Variants in CRLS1 observed in about 807,000 individuals in gnomAD.
CRLS1 encodes the protein cardiolipin synthase 1.
Under a neutral mutation model 37.0 loss-of-function variants are expected in CRLS1, and 24 were observed. The observed-to-expected ratio is 0.65, with a 90% CI of 0.47 to 0.91. The LOEUF (loss-of-function observed/expected upper bound fraction) is 0.91. CRLS1 is among the 40% of genes least tolerant of loss of function. The probability of loss-of-function intolerance (pLI) is 0.00; values close to 1 mark genes in which losing one functional copy is unlikely to be tolerated. For synonymous variants in CRLS1, 135 were observed against 159.7 expected, an observed-to-expected ratio of 0.85 and a Z score of 1.17; for missense variants, 373 against 395.8, an observed-to-expected ratio of 0.94 and a Z score of 0.49.
chr20:6,033,634 A>G (rs1327493325), intron 5 of CRLS1, among the ~76,000 whole-genome samples: 1 of 152,094 alleles, frequency 6.6e-6, no homozygotes, highest in Non-Finnish European at 1.5e-5. Flanking sequence ...CTTTTAGTGT[A>G]GGGAAGCCTA....
chr20:6,019,592 T>C (rs1979060418), intron 3 of CRLS1, among the ~76,000 whole-genome samples: 1 of 151,626 alleles, frequency 6.6e-6, no homozygotes, highest in African/African-American at 2.4e-5. Flanking sequence ...GCTTTGGGTT[T>C]TGTCAAGCCT....
Position 6,015,438 on chromosome 20 carries a change from AATACTT to A in CRLS1, c.525_530del (p.Leu176_Ile177del). On this transcript the variant is annotated inframe_deletion, in exon 3 of 7. Transcript: ENST00000378863. ...GTGCTCTTGATCCACTTGCTGATAA[AATACTT>A]ATCAGTATCTTATATGTTAGCTTGA... 1 of 1,608,060 alleles carries A rather than the reference AATACTT, an allele frequency of 6.2e-7. No homozygotes were observed. Among genetic ancestry groups the A allele is most frequent in the Non-Finnish European group, 8.5e-7 (1 of 1,174,608 alleles).
intron 6 of CRLS1, among the ~76,000 whole-genome samples, 159 bp downstream of exon 6, chr20:6,034,714 A>G (rs1402056314): frequency 6.6e-6 from 1 of 152,240 alleles, no homozygotes; most frequent in Non-Finnish European, 1.5e-5. Context: ...GCTTCCTGCC[A>G]AGTATGAGAT....
Position 6,031,310 on chromosome 20 carries a change from G to T in CRLS1, c.600G>T (p.Ser200=). The T allele has an allele frequency of 6.2e-7, 1 of 1,606,926 alleles. No homozygotes were observed. Among genetic ancestry groups the T allele is most frequent in the Non-Finnish European group, 8.5e-7 (1 of 1,176,734 alleles). ...IPVPLTYMII[S]RDVMLIAAVF... ...TTCCACTTACTTACATGATCATTTC[G>T]AGAGATGTAATGTTGATTGCTGCTG... The change falls in exon 4 of 7, where the codon TCG becomes TCT. Residue 200 remains serine (S), a synonymous_variant. Transcript: ENST00000378863.
At position 6,007,323 on chromosome 20, in the gene CRLS1, T is replaced by G. The variant is rs540664613; in HGVS notation, c.306+771T>G. On this transcript the variant is annotated intron_variant, in intron 1 of 6. Transcript: ENST00000378863. Reference sequence around the variant, plus strand: ...AACTCCACTGATAGCTAAAGCATGTTGGGGTTTGAATGCTGGATACTTTGA... The same window carrying G: ...AACTCCACTGATAGCTAAAGCATGTGGGGGTTTGAATGCTGGATACTTTGA... The G allele has an allele frequency of 3.1e-5, 49 of 1,600,000 alleles. No individual in the cohort carries two copies. In the African/African-American group the frequency reaches 6.4e-4, roughly 21 times the overall value.
intron 1 of CRLS1, chr20:6,007,198 A>C (rs1404891683): frequency 6.3e-6 from 9 of 1,420,944 alleles, no homozygotes; most frequent in Non-Finnish European, 8.3e-6. Context: ...AGACTCATGC[A>C]ATTATTACAT....
chr20:6,027,791 A>G (rs1204637830), intron 3 of CRLS1, among the ~76,000 whole-genome samples: 1 of 152,218 alleles, frequency 6.6e-6, no homozygotes, highest in Non-Finnish European at 1.5e-5. Context: ...CAATCATTAA[A>G]AAATGTAAAA....
rs1283969802 is a variant in CRLS1, at chr20:6,038,643, A to G, written c.*1485A>G. On this transcript the variant is annotated 3_prime_UTR_variant, in exon 7 of 7. Coordinates refer to ENST00000378863, the MANE Select transcript of CRLS1 (RefSeq NM_019095.6). ...CATTGTTAGGAGTAGTTAGGCTGAA[A>G]GTGGACTTCCCACTGCTGAGCCACC... 1 of 152,216 alleles carries G rather than the reference A, an allele frequency of 6.6e-6. No homozygotes were observed. The highest frequency in any genetic ancestry group is 1.5e-5 in the Non-Finnish European group (1 of 68,060). The allele number at this position is 152,216 out of a possible 1,614,324, so 9.4% of individuals were successfully genotyped here.
chr20:6,031,188 A>C, intron 3 of CRLS1, 97 bp from the exon 4 acceptor site: 1 of 709,250 alleles, frequency 1.4e-6, no homozygotes, highest in Non-Finnish European at 2.2e-6. Flanking sequence ...TGAAAACAGC[A>C]GTTTGTGGTA....
intron 3 of CRLS1, among the ~76,000 whole-genome samples, chr20:6,027,944 C>T (rs1212530674): frequency 6.6e-6 from 1 of 152,186 alleles, no homozygotes. Context: ...TTTGGCTCTT[C>T]TCACCTTATT....
At position 6,034,545 on chromosome 20, in the gene CRLS1, C is replaced by A. The variant is rs920837701; in HGVS notation, c.811C>A (p.Gln271Lys). 6.2e-7 allele frequency: 1 copy of A among 1,608,496 alleles called. No individual in the cohort carries two copies. The highest frequency in any genetic ancestry group is 8.5e-7 in the Non-Finnish European group (1 of 1,176,134). Reference protein sequence around the residue: ...VFNYADSIYLQILWCFTAFTT... With the variant: ...VFNYADSIYLKILWCFTAFTT... ...CAACTATGCTGACAGCATTTATCTT[C>A]AGATACTATGGTAAGCTAAATTTAG... Residue 271 changes from glutamine to lysine, a missense_variant, in exon 6 of 7, where the codon CAG (glutamine) becomes AAG (lysine). Physicochemically the swap from Gln to Lys is moderately conservative, Grantham distance 53. Coordinates refer to ENST00000378863, the MANE Select transcript of CRLS1 (RefSeq NM_019095.6).
intron 1 of CRLS1, among the ~76,000 whole-genome samples, chr20:6,008,673 T>G (rs547598985): frequency 6.6e-6 from 1 of 152,386 alleles, no homozygotes; most frequent in South Asian, 2.1e-4. Flanking sequence ...TATCTCCATT[T>G]TCTTCTAGCA....
chr20:6,023,042 T>G (rs931506882), intron 3 of CRLS1, among the ~76,000 whole-genome samples: 1 of 152,206 alleles, frequency 6.6e-6, no homozygotes, highest in Non-Finnish European at 1.5e-5. Flanking sequence ...TATTTAATCT[T>G]ACTTTATTGT....
At position 6,037,126 on chromosome 20, in the gene CRLS1, G is replaced by A; in HGVS notation, c.874G>A (p.Gly292Ser). 1 of 1,613,520 alleles carries A rather than the reference G, an allele frequency of 6.2e-7. No individual in the cohort carries two copies. Among genetic ancestry groups the A allele is most frequent in the Non-Finnish European group, 8.5e-7 (1 of 1,179,784 alleles). ...ATCAGCTTATAGTTACTATCATTAT[G>A]GCCGGAAGACTGTTCAGGTGATAAA... ...AASAYSYYHY[G>S]RKTVQVIKD is the part of the protein sequence containing the mutation. Residue 292 changes from glycine (G) to serine (S), a missense_variant, in exon 7 of 7, where the codon GGC becomes AGC. Transcript: ENST00000378863.
intron 3 of CRLS1, among the ~76,000 whole-genome samples, chr20:6,021,167 A>C (rs1200863650): frequency 6.6e-6 from 1 of 150,692 alleles, no homozygotes; most frequent in Non-Finnish European, 1.5e-5. Context: ...CCTGGGTCCA[A>C]GTGATTCTCC....
intron 3 of CRLS1, among the ~76,000 whole-genome samples, chr20:6,030,812 G>C (rs1022283383): frequency 2.6e-5 from 4 of 152,146 alleles, no homozygotes; most frequent in Admixed American, 6.5e-5. Flanking sequence ...AGCAATCAAA[G>C]CTCCTGAGAT....
At chr20:6,007,418 G>A (rs747419071) in intron 1 of CRLS1, 1 of 1,613,154 alleles carries the variant, frequency 6.2e-7, no homozygotes, top group East Asian at 2.2e-5. Flanking sequence ...CAGGTTATCT[G>A]GTTGAGTAAT....
chr20:6,035,769 G>GGGAT lies in CRLS1; in HGVS notation c.821+1214_821+1215insGGAT, dbSNP rs1309386054. 3.6e-4 allele frequency among the ~76,000 whole-genome samples: 54 copies of GGGAT among 151,220 alleles called. 1 individual carries two copies. Among genetic ancestry groups the GGGAT allele is most frequent in the African/African-American group, 1.3e-3 (53 of 41,180 alleles). The stretch of plus-strand genomic sequence containing the variant: ...CCTGAGTAGCTGGGATTACAGGCAT[G>GGGAT]TGCCACCACCACACCTGGCTATTTT... On this transcript the variant is annotated intron_variant, in intron 6 of 6. Coordinates refer to ENST00000378863, the MANE Select transcript of CRLS1 (RefSeq NM_019095.6).
At position 6,007,224 on chromosome 20, in the gene CRLS1, C is replaced by G. The variant is rs577931253; in HGVS notation, c.306+672C>G. The G allele has an allele frequency of 1.6e-5, 24 of 1,462,226 alleles. No individual in the cohort carries two copies. The African/African-American group carries it at 2.7e-4, about 17-fold the overall frequency. 90.6% of individuals were successfully genotyped at this position (1,462,226 alleles called of 1,614,324 possible). A position where few individuals can be genotyped will look rare whatever the true frequency, so the allele number is the denominator to read the frequency against. ...ATTATTACATCTTCAATTGTTATGT[C>G]TTCAGTGGCCCCTGTACTGCTTTCA... is the stretch of plus-strand genomic sequence containing the variant. On this transcript the variant is annotated intron_variant, in intron 1 of 6. Coordinates refer to ENST00000378863, the MANE Select transcript of CRLS1 (RefSeq NM_019095.6).
Sources: gnomAD v4.1 joint callset for allele counts (sites outside exome capture counted in the v4.1 genomes callset) on GRCh38, gnomAD v4.1.1 for gene constraint, MANE v1.5 for transcripts, NCBI Gene and HGNC (gene_info 2026-07-23, HGNC 2026-07-21) for gene names.